The following CYB5R4 variants were observed in gnomAD, a reference collection of about 807,000 sequenced individuals.
The protein encoded by CYB5R4 is N-terminal cytochrome b5 and cytochrome b5 oxidoreductase domain-containing protein.
In CYB5R4, 55 loss-of-function variants were observed where a neutral mutation model predicts 70.2. The observed-to-expected ratio is 0.78, with a 90% CI of 0.63 to 0.98. The LOEUF is 0.98. Among genes scored for constraint, CYB5R4 ranks in the 50% least tolerant of loss-of-function variants. CYB5R4 has a pLI of 0.00. For missense variants in CYB5R4, 562 were observed against 612.6 expected, an observed-to-expected ratio of 0.92 and a Z score of 0.87; for synonymous variants, 197 against 199.5, an observed-to-expected ratio of 0.99 and a Z score of 0.11.
chr6:83,932,508 G>A (rs2099468310), intron 10 of CYB5R4, among the ~76,000 whole-genome samples: 1 of 152,164 alleles, frequency 6.6e-6, no homozygotes, highest in African/African-American at 2.4e-5. Flanking sequence ...AAACAACACT[G>A]TGGTCCTTAG....
At chr6:83,934,241 T>C (rs1349056580) in intron 10 of CYB5R4, among the ~76,000 whole-genome samples, 1 of 133,534 alleles carries the variant, frequency 7.5e-6, no homozygotes, top group South Asian at 2.4e-4. Flanking sequence ...AAAAAAAAAT[T>C]AAAAAAAAAA....
intron 1 of CYB5R4, 130 bp from the exon 2 acceptor site, chr6:83,864,045 T>G (rs1229160128): frequency 3.7e-6 from 3 of 814,492 alleles, no homozygotes; most frequent in Admixed American, 3.4e-5. Flanking sequence ...AAATACAGCA[T>G]AAACAATGTT....
At chr6:83,939,634 A>G (rs2099469449) in intron 12 of CYB5R4, among the ~76,000 whole-genome samples, 1 of 152,224 alleles carries the variant, frequency 6.6e-6, no homozygotes, top group Admixed American at 6.5e-5. Flanking sequence ...AATAGTGAAT[A>G]TCTGTTCTTT....
At chr6:83,948,613 C>T (rs1387012808) in intron 14 of CYB5R4, among the ~76,000 whole-genome samples, 1 of 152,018 alleles carries the variant, frequency 6.6e-6, no homozygotes, top group African/African-American at 2.4e-5. Flanking sequence ...AGATAGTTAC[C>T]TTATAAAAGC....
At chr6:83,889,247 T>C (rs889927705) in intron 2 of CYB5R4, among the ~76,000 whole-genome samples, 3 of 152,202 alleles carry the variant, frequency 2.0e-5, no homozygotes, top group African/African-American at 7.2e-5. Context: ...ATTTTCCATG[T>C]AGATTAAATA....
chr6:83,860,944 T>C (rs1298850254), intron 1 of CYB5R4, among the ~76,000 whole-genome samples: 2 of 152,244 alleles, frequency 1.3e-5, no homozygotes, highest in African/African-American at 2.4e-5. Context: ...TAAGAAATAT[T>C]GCCCTAAATT....
chr6:83,877,831 C>T (rs1715652136), intron 2 of CYB5R4, among the ~76,000 whole-genome samples: 6 of 152,136 alleles, frequency 3.9e-5, no homozygotes, highest in Admixed American at 3.9e-4. Flanking sequence ...AGCAGTTTGA[C>T]TATGATATGG....
intron 2 of CYB5R4, among the ~76,000 whole-genome samples, chr6:83,875,369 C>T (rs2099458366): frequency 6.6e-6 from 1 of 152,148 alleles, no homozygotes; most frequent in Non-Finnish European, 1.5e-5. Context: ...TATCAGCCTC[C>T]TGAGTAGCTA....
At chr6:83,888,761 G>A (rs780524527) in intron 2 of CYB5R4, among the ~76,000 whole-genome samples, 80 of 152,218 alleles carry the variant, frequency 5.3e-4, no homozygotes, top group Middle Eastern at 3.4e-3. Context: ...AACTAGAAAC[G>A]ATTAAGCTTA....
intron 15 of CYB5R4, 85 bp from the exon 16 acceptor site, chr6:83,959,739 T>A: frequency 8.7e-7 from 1 of 1,155,104 alleles, no homozygotes; most frequent in Non-Finnish European, 1.2e-6. Context: ...TGAAAAAGTA[T>A]CATGATTATG....
intron 12 of CYB5R4, 36 bp from the exon 13 acceptor site, chr6:83,940,020 T>G (rs1220577188): frequency 8.2e-6 from 12 of 1,465,714 alleles, no homozygotes; most frequent in African/African-American, 5.7e-5. Flanking sequence ...TTTTTGTTTT[T>G]TTTTTTTCTG....
At chr6:83,919,585 C>T (rs1157381604) in intron 7 of CYB5R4, 131 bp downstream of exon 7, 3 of 422,114 alleles carry the variant, frequency 7.1e-6, no homozygotes, top group South Asian at 4.5e-5. Flanking sequence ...GTATTGTTAT[C>T]CCTTTTGTAC....
chr6:83,911,917 C>G (rs990007492), intron 4 of CYB5R4, among the ~76,000 whole-genome samples: 1 of 151,810 alleles, frequency 6.6e-6, no homozygotes, highest in Non-Finnish European at 1.5e-5. Context: ...ATTAACCAGG[C>G]CTAGTGGTGC....
chr6:83,890,311 G>C (rs1003226660), intron 2 of CYB5R4, among the ~76,000 whole-genome samples: 1 of 152,142 alleles, frequency 6.6e-6, no homozygotes, highest in African/African-American at 2.4e-5. Flanking sequence ...CAGCCCTCAT[G>C]GGTAACTTTG....
rs148541985 is a variant in CYB5R4, at chr6:83,914,814, C to T, written c.445+366C>T. Among the ~76,000 whole-genome samples the T allele has an allele frequency of 7.0e-3, 1,044 of 148,954 alleles. 18 individuals are homozygous for T. The highest frequency in any genetic ancestry group is 0.025 in the African/African-American group (1,004 of 40,412). On this transcript the variant is annotated intron_variant, in intron 5 of 15. Transcript: ENST00000369681. ...CCTCCCAGAGTGCCGGGATTACGGG[C>T]GTGAGCCACTGTGCCCGGCCTAGAT... is the stretch of plus-strand genomic sequence containing the variant.
Position 83,940,600 on chromosome 6 carries a change from AG to A in CYB5R4, c.1346+1del. The A allele has an allele frequency of 6.3e-7, 1 of 1,599,946 alleles. No individual in the cohort carries two copies. Among genetic ancestry groups the A allele is most frequent in the Non-Finnish European group, 8.5e-7 (1 of 1,175,424 alleles). On this transcript the variant is annotated frameshift_variant and splice_region_variant, in exon 14 of 16. Transcript: ENST00000369681. LOFTEE classifies it high-confidence loss of function. ...GGAGAAATTAGCATTTAAAGATAAA[AG>A]GTATTAAACTGATATTAGCTCTGCG... ...QLEKLAFKDK[R>X]LDVEFVLSAP... is the part of the protein sequence containing the mutation.
intron 14 of CYB5R4, among the ~76,000 whole-genome samples, chr6:83,944,564 G>A (rs912224999): frequency 6.6e-6 from 1 of 152,124 alleles, no homozygotes; most frequent in African/African-American, 2.4e-5. Flanking sequence ...CATAATGACA[G>A]GATCAAATTC....
chr6:83,906,570 A>C (rs2099463808), intron 3 of CYB5R4, among the ~76,000 whole-genome samples: 1 of 152,092 alleles, frequency 6.6e-6, no homozygotes, highest in Non-Finnish European at 1.5e-5. Context: ...AAGTTCTCCA[A>C]CCTGAGTCTT....
chr6:83,871,418 AC>A (rs2099457612), intron 2 of CYB5R4, among the ~76,000 whole-genome samples: 1 of 151,750 alleles, frequency 6.6e-6, no homozygotes, highest in Non-Finnish European at 1.5e-5. Flanking sequence ...TCTTACTTTT[AC>A]CCTGTCTTTA....
Sources: allele counts gnomAD v4.1 joint callset (sites outside exome capture counted in the v4.1 genomes callset), GRCh38; gene constraint gnomAD v4.1.1; transcripts MANE v1.5; gene names NCBI Gene and HGNC (gene_info 2026-07-23, HGNC 2026-07-21).